PCDH7: variants seen among roughly 807,000 people sequenced by gnomAD.
The protein encoded by PCDH7 is protocadherin 7.
A neutral mutation model predicts 58.9 loss-of-function variants in PCDH7; 17 were observed. That is an observed-to-expected ratio of 0.29 (90% CI 0.20 to 0.43). PCDH7 has a LOEUF of 0.43. PCDH7 is among the 20% of genes least tolerant of loss of function. The pLI is 1.00. For missense variants in PCDH7, 1,274 were observed against 1,441.0 expected (o/e 0.88, Z 1.88); for synonymous variants, 664 against 616.4 (o/e 1.08, Z -1.14).
intron 1 of PCDH7, among the ~76,000 whole-genome samples, chr4:30,916,165 G>A (rs1174939721): frequency 6.6e-6 from 1 of 152,116 alleles, no homozygotes; most frequent in African/African-American, 2.4e-5. Context: ...AATCCAATCA[G>A]CTACATGGGC....
intron 3 of PCDH7, among the ~76,000 whole-genome samples, chr4:30,957,098 C>T (rs1462295620): frequency 6.6e-6 from 1 of 152,108 alleles, no homozygotes; most frequent in African/African-American, 2.4e-5. Flanking sequence ...GAGCTTATCA[C>T]CACCATCTCA....
At chr4:31,116,188 A>T (rs1716960353) in intron 3 of PCDH7, among the ~76,000 whole-genome samples, 1 of 152,168 alleles carries the variant, frequency 6.6e-6, no homozygotes, top group Non-Finnish European at 1.5e-5. Context: ...ACATTGAAGC[A>T]TCTCTCAGTC....
intron 1 of PCDH7, among the ~76,000 whole-genome samples, chr4:30,781,377 T>G (rs1428994580): frequency 6.6e-6 from 1 of 152,022 alleles, no homozygotes; most frequent in African/African-American, 2.4e-5. Flanking sequence ...CCTGACCTCG[T>G]GAACCGCCGG....
chr4:30,948,711 T>G (rs1747011833), intron 2 of PCDH7, among the ~76,000 whole-genome samples: 1 of 152,148 alleles, frequency 6.6e-6, no homozygotes, highest in Non-Finnish European at 1.5e-5. Flanking sequence ...TACATATGCC[T>G]TCAGAATTCT....
intron 3 of PCDH7, among the ~76,000 whole-genome samples, chr4:31,047,080 A>C (rs887610883): frequency 6.6e-6 from 1 of 152,162 alleles, no homozygotes; most frequent in Middle Eastern, 3.4e-3. Context: ...ACTAAAACAC[A>C]AATTTTTTGT....
intron 3 of PCDH7, among the ~76,000 whole-genome samples, chr4:31,089,405 T>G (rs1382961027): frequency 6.6e-6 from 1 of 152,074 alleles, no homozygotes; most frequent in Non-Finnish European, 1.5e-5. Flanking sequence ...AAATATAAAA[T>G]GCCAAGAAAA....
intron 1 of PCDH7, among the ~76,000 whole-genome samples, chr4:30,786,430 T>C (rs960352641): frequency 1.3e-5 from 2 of 152,052 alleles, no homozygotes; most frequent in Non-Finnish European, 2.9e-5. Context: ...CTTGAAAAGC[T>C]TAAACTCTGA....
intron 3 of PCDH7, among the ~76,000 whole-genome samples, chr4:31,074,580 C>T (rs1758814677): frequency 6.6e-6 from 1 of 151,462 alleles, no homozygotes; most frequent in African/African-American, 2.4e-5. Flanking sequence ...ATCAGGAGTT[C>T]CAGACCAACT....
At chr4:31,074,784 C>CAAAAAAAAAAAAAAAAAAAAAAA (rs1157267696) in intron 3 of PCDH7, among the ~76,000 whole-genome samples, 7 of 52,470 alleles carry the variant, frequency 1.3e-4, no homozygotes, top group Non-Finnish European at 1.9e-4. Context: ...GATTCCGTCT[C>CAAAAAAAAAAAAAAAAAAAAAAA]AAAAAAAAAA....
intron 3 of PCDH7, among the ~76,000 whole-genome samples, chr4:30,973,338 A>G (rs191378558): frequency 1.0e-3 from 159 of 152,282 alleles, no homozygotes; most frequent in African/African-American, 3.6e-3. Context: ...GAGAGTGGAG[A>G]GAGTATTACC....
intron 3 of PCDH7, among the ~76,000 whole-genome samples, chr4:30,986,315 T>A (rs1330566785): frequency 6.6e-6 from 1 of 152,110 alleles, no homozygotes; most frequent in Non-Finnish European, 1.5e-5. Context: ...TCATTTTTAG[T>A]CTTTTAAAAA....
intron 3 of PCDH7, among the ~76,000 whole-genome samples, chr4:30,990,375 C>G (rs1372683585): frequency 6.6e-6 from 1 of 151,896 alleles, no homozygotes; most frequent in Non-Finnish European, 1.5e-5. Context: ...ATGATAGCAA[C>G]TTGAATGATA....
At chr4:31,027,392 T>G (rs1037187856) in intron 3 of PCDH7, among the ~76,000 whole-genome samples, 1 of 152,170 alleles carries the variant, frequency 6.6e-6, no homozygotes, top group Non-Finnish European at 1.5e-5. Flanking sequence ...CATTTATATG[T>G]TATGTATGTG....
intron 3 of PCDH7, among the ~76,000 whole-genome samples, chr4:31,091,092 A>G (rs1249228008): frequency 6.6e-6 from 1 of 151,978 alleles, no homozygotes; most frequent in Non-Finnish European, 1.5e-5. Context: ...TCCTTCTCCA[A>G]AAACTTTTCT....
chr4:30,780,952 T>C (rs1298066551), intron 1 of PCDH7, among the ~76,000 whole-genome samples: 1 of 152,170 alleles, frequency 6.6e-6, no homozygotes, highest in Non-Finnish European at 1.5e-5. Flanking sequence ...TTTGTACATA[T>C]AAGCAGATTG....
intron 1 of PCDH7, among the ~76,000 whole-genome samples, chr4:30,842,673 G>A (rs910747982): frequency 9.9e-5 from 15 of 152,092 alleles, no homozygotes. Context: ...AGGTGGGGAA[G>A]GCAGGTTGTG....
intron 1 of PCDH7, among the ~76,000 whole-genome samples, chr4:30,758,940 G>GCTTTTTTTT (rs1553880707): frequency 8.0e-6 from 1 of 124,238 alleles, no homozygotes; most frequent in Non-Finnish European, 1.7e-5. Flanking sequence ...TTGAAGAAGT[G>GCTTTTTTTT]TTTTTTTTTT....
intron 3 of PCDH7, among the ~76,000 whole-genome samples, chr4:31,134,148 C>G (rs1719309571): frequency 6.6e-6 from 1 of 152,052 alleles, no homozygotes; most frequent in Non-Finnish European, 1.5e-5. Flanking sequence ...AGTCTATTAT[C>G]CATGATGAGG....
chr4:30,737,781 A>G (rs1716509595), downstream of PCDH7, among the ~76,000 whole-genome samples: 1 of 152,224 alleles, frequency 6.6e-6, no homozygotes. Context: ...GTAGTATAGG[A>G]AAAACTCACA....
Sources: gnomAD v4.1 joint callset for allele counts (sites outside exome capture counted in the v4.1 genomes callset) on GRCh38, gnomAD v4.1.1 for gene constraint, MANE v1.5 for transcripts, NCBI Gene and HGNC (gene_info 2026-07-23, HGNC 2026-07-21) for gene names.